CAMKMT: variants seen among roughly 807,000 people sequenced by gnomAD.
CAMKMT encodes the protein calmodulin-lysine N-methyltransferase.
CAMKMT carries 53 observed loss-of-function variants against 48.0 expected under a neutral mutation model. The observed-to-expected ratio is 1.10, with a 90% CI of 0.89 to 1.39. The LOEUF (loss-of-function observed/expected upper bound fraction) is 1.39. Ranked by LOEUF, CAMKMT falls within the 40% of genes most tolerant of loss-of-function variation. The pLI, the probability that CAMKMT is intolerant of heterozygous loss-of-function variation, is 0.00. For missense variants in CAMKMT, 428 were observed against 402.7 expected (o/e 1.06, Z -0.54); for synonymous variants, 165 against 152.3 (o/e 1.08, Z -0.61).
intron 9 of CAMKMT, among the ~76,000 whole-genome samples, chr2:44,759,585 A>G (rs1433154958): frequency 6.6e-6 from 1 of 151,974 alleles, no homozygotes; most frequent in Admixed American, 6.6e-5. Context: ...TTGGGTTCTT[A>G]TCTGCTTACT....
intron 2 of CAMKMT, among the ~76,000 whole-genome samples, chr2:44,382,848 C>T (rs1680392857): frequency 6.6e-6 from 1 of 152,162 alleles, no homozygotes; most frequent in Admixed American, 6.5e-5. Context: ...AAGAAAAGCT[C>T]TATTTTTATG....
intron 3 of CAMKMT, among the ~76,000 whole-genome samples, chr2:44,564,334 C>T (rs1668494914): frequency 1.3e-5 from 2 of 151,728 alleles, no homozygotes; most frequent in Admixed American, 1.3e-4. Context: ...GCCACTATGC[C>T]CGGCTAATTT....
chr2:44,385,238 C>A (rs1167462737), intron 2 of CAMKMT, among the ~76,000 whole-genome samples: 1 of 150,234 alleles, frequency 6.7e-6, no homozygotes, highest in African/African-American at 2.4e-5. Flanking sequence ...TTTTTTTTTG[C>A]AGCTGTTGCA....
chr2:44,362,379 C>T (rs910089522), intron 1 of CAMKMT, among the ~76,000 whole-genome samples: 1 of 152,176 alleles, frequency 6.6e-6, no homozygotes, highest in Non-Finnish European at 1.5e-5. Flanking sequence ...CTGGGAAACT[C>T]AGATCGAAGT....
intron 3 of CAMKMT, among the ~76,000 whole-genome samples, chr2:44,448,712 G>A (rs1067403): frequency 0.7 from 106,403 of 152,094 alleles, 37,317 homozygotes; most frequent in Admixed American, 0.78. Context: ...ATGTATATGC[G>A]TATGTTATAA....
At chr2:44,707,486 G>A (rs376844805) in intron 6 of CAMKMT, 24 bp downstream of exon 6, 11 of 1,602,024 alleles carry the variant, frequency 6.9e-6, no homozygotes, top group Admixed American at 1.7e-5. Context: ...GATAGAAAAC[G>A]GGTTTGTTGT....
intron 3 of CAMKMT, among the ~76,000 whole-genome samples, chr2:44,674,369 C>T (rs1052951345): frequency 1.6e-4 from 24 of 152,234 alleles, no homozygotes; most frequent in Non-Finnish European, 4.4e-5. Context: ...ACTAGACTAT[C>T]AGCATCTTGA....
At chr2:44,712,235 TTTTGG>T in intron 6 of CAMKMT, among the ~76,000 whole-genome samples, 1 of 152,156 alleles carries the variant, frequency 6.6e-6, no homozygotes, top group South Asian at 2.1e-4. Context: ...CTACCCTCAT[TTTTGG>T]TATTCCAGCG....
At chr2:44,723,080 A>G (rs1250341925) in intron 7 of CAMKMT, among the ~76,000 whole-genome samples, 2 of 152,218 alleles carry the variant, frequency 1.3e-5, no homozygotes, top group Non-Finnish European at 2.9e-5. Flanking sequence ...ATAAGCTGGA[A>G]CAACAGTTCT....
intron 3 of CAMKMT, among the ~76,000 whole-genome samples, chr2:44,633,649 A>G (rs1430174724): frequency 2.0e-5 from 3 of 151,292 alleles, no homozygotes; most frequent in East Asian, 1.9e-4. Context: ...TTATGTTTCT[A>G]TTTTCCTTTA....
intron 9 of CAMKMT, among the ~76,000 whole-genome samples, chr2:44,765,647 G>A (rs1270049087): frequency 6.6e-6 from 1 of 151,976 alleles, no homozygotes; most frequent in East Asian, 1.9e-4. Context: ...CATGTCAGAT[G>A]GTCTTCTGAA....
intron 2 of CAMKMT, among the ~76,000 whole-genome samples, chr2:44,383,171 G>C (rs1216496559): frequency 6.7e-6 from 1 of 150,202 alleles, no homozygotes. Context: ...TTTTATTTTA[G>C]TTTTATTTTT....
intron 3 of CAMKMT, among the ~76,000 whole-genome samples, chr2:44,672,380 TTTTCG>T (rs1329011750): frequency 9.6e-4 from 146 of 152,324 alleles, no homozygotes; most frequent in African/African-American, 3.3e-3. Context: ...ACTTTTCTAG[TTTTCG>T]TGGCTAAAAT....
chr2:44,370,964 C>G (rs1360045048), intron 1 of CAMKMT, among the ~76,000 whole-genome samples: 2 of 152,258 alleles, frequency 1.3e-5, no homozygotes, highest in South Asian at 4.1e-4. Context: ...GCAGACACCA[C>G]CACATCCTAC....
At chr2:44,573,079 A>G (rs567244464) in intron 3 of CAMKMT, among the ~76,000 whole-genome samples, 1 of 152,096 alleles carries the variant, frequency 6.6e-6, no homozygotes, top group East Asian at 1.9e-4. Context: ...GCTATTAGTA[A>G]AAGTAATCTT....
At chr2:44,670,112 C>T (rs1010860395) in intron 3 of CAMKMT, among the ~76,000 whole-genome samples, 2 of 152,158 alleles carry the variant, frequency 1.3e-5, no homozygotes, top group South Asian at 4.1e-4. Flanking sequence ...ATTCTGAATA[C>T]TAATCCTTGA....
chr2:44,770,493 AT>A (rs1198505802), intron 10 of CAMKMT, among the ~76,000 whole-genome samples: 2 of 152,258 alleles, frequency 1.3e-5, no homozygotes, highest in African/African-American at 4.8e-5. Context: ...GTCTCTGTAT[AT>A]TAGTGCATTG....
At chr2:44,473,485 A>G (rs1253422486) in intron 3 of CAMKMT, among the ~76,000 whole-genome samples, 1 of 152,216 alleles carries the variant, frequency 6.6e-6, no homozygotes, top group Non-Finnish European at 1.5e-5. Flanking sequence ...AAATAATTCC[A>G]TAAAATGGTA....
At chr2:44,694,017 T>C (rs1676800611) in intron 3 of CAMKMT, among the ~76,000 whole-genome samples, 1 of 152,162 alleles carries the variant, frequency 6.6e-6, no homozygotes, top group Non-Finnish European at 1.5e-5. Flanking sequence ...GAGAGCTAGA[T>C]GTGTTGTCAT....
Sources: gnomAD v4.1 joint callset for allele counts (sites outside exome capture counted in the v4.1 genomes callset) on GRCh38, gnomAD v4.1.1 for gene constraint, MANE v1.5 for transcripts, NCBI Gene and HGNC (gene_info 2026-07-23, HGNC 2026-07-21) for gene names.